SLC12A7: variants seen among roughly 807,000 people sequenced by gnomAD.
SLC12A7 encodes K-Cl cotransporter 4.
Under a neutral mutation model 120.6 loss-of-function variants are expected in SLC12A7, and 100 were observed. The ratio of observed to expected loss-of-function variants is 0.83; its 90% CI spans 0.71 to 0.98. The LOEUF (loss-of-function observed/expected upper bound fraction) is 0.98, where lower values mean the gene tolerates loss of function less well. SLC12A7 is among the 50% of genes least tolerant of loss of function. The pLI is 0.00. For synonymous variants in SLC12A7, 760 were observed against 678.0 expected, an observed-to-expected ratio of 1.12 and a Z score of -1.88; for missense variants, 1,373 against 1,548.1, an observed-to-expected ratio of 0.89 and a Z score of 1.90.
At chr5:1,091,847 C>A (rs1358841173) in intron 3 of SLC12A7, among the ~76,000 whole-genome samples, 1 of 152,224 alleles carries the variant, frequency 6.6e-6, no homozygotes, top group African/African-American at 2.4e-5. Flanking sequence ...GAGTGCTGAG[C>A]CTGGCAACAC....
At chr5:1,088,068 A>G (rs1184557467) in intron 5 of SLC12A7, among the ~76,000 whole-genome samples, 1 of 152,172 alleles carries the variant, frequency 6.6e-6, no homozygotes, top group African/African-American at 2.4e-5. Context: ...CCTGGTGGGC[A>G]CTGCCTACCC....
chr5:1,063,942 C>T lies in SLC12A7; in HGVS notation c.2641G>A (p.Val881Met), dbSNP rs920702280. ...ATGCTGTTGTCGTCCACCTGGGCCA[C>T]GGTGAAGATACGCATCCGGCACTTC... ...WRKCRMRIFT[V>M]AQVDDNSIQM... The change falls in exon 20 of 24, where the codon GTG becomes ATG. Residue 881 changes from valine (V) to methionine (M), a missense_variant. Transcript: ENST00000264930. 7 of 1,612,512 alleles carry T rather than the reference C, an allele frequency of 4.3e-6. No individual in the cohort carries two copies. The highest frequency in any genetic ancestry group is 1.1e-5 in the South Asian group (1 of 91,078).
At chr5:1,074,908 G>A (rs1369943838) in intron 15 of SLC12A7, among the ~76,000 whole-genome samples, 3 of 152,150 alleles carry the variant, frequency 2.0e-5, no homozygotes, top group South Asian at 2.1e-4. Context: ...TCCAGCATGC[G>A]TGAGGTGCCT....
chr5:1,145,059 C>A, the SLC12A7 span, among the ~76,000 whole-genome samples: 1 of 152,334 alleles, frequency 6.6e-6, no homozygotes, highest in South Asian at 2.1e-4. The surrounding 1 kb of genome is among the most constrained non-coding windows in gnomAD (Gnocchi z 4.4). Context: ...ACGGCCAGGC[C>A]GGGCCTGGAG....
In SLC12A7 at chr5:1,111,953, G is replaced by A; in HGVS notation, c.39C>T (p.His13=). 7.7e-7 allele frequency: 1 copy of A among 1,296,468 alleles called. No individual in the cohort carries two copies. The highest frequency in any genetic ancestry group is 3.1e-5 in the Admixed American group (1 of 32,004). 80.3% of individuals were successfully genotyped at this position (1,296,468 alleles called of 1,614,324 possible). Reference sequence around the variant, plus strand: ...CAGTCTCGTCCCCGCCGCCGTCGGCGTGAGCCTCCACGGGCACCACGGTGA... The same window carrying A: ...CAGTCTCGTCCCCGCCGCCGTCGGCATGAGCCTCCACGGGCACCACGGTGA... ...TNFTVVPVEA[H]ADGGGDETAE... is the part of the protein sequence containing the mutation. The change falls in exon 1 of 24, where the codon CAC becomes CAT. Residue 13 remains histidine, a synonymous_variant. Coordinates refer to ENST00000264930, the MANE Select transcript of SLC12A7 (RefSeq NM_006598.3).
At position 1,063,503 on chromosome 5, in the gene SLC12A7, A is replaced by G. The variant is rs188030866; in HGVS notation, c.2739+341T>C. 2.6e-3 allele frequency among the ~76,000 whole-genome samples: 389 copies of G among 152,226 alleles called. 2 individuals carry two copies. The highest frequency in any genetic ancestry group is 8.7e-3 in the African/African-American group (362 of 41,520). On this transcript the variant is annotated intron_variant, in intron 20 of 23. Transcript: ENST00000264930. ...CGTGTTACACGAGGTGTCCACAAGC[A>G]ACACACGGGGCTCTGTGCTTTCTGT...
the SLC12A7 span, among the ~76,000 whole-genome samples, chr5:1,128,749 G>A: frequency 2.0e-5 from 3 of 152,236 alleles, no homozygotes; most frequent in African/African-American, 7.2e-5. Context: ...GTGTGTGTGT[G>A]CATGCGTGCA....
chr5:1,096,792 GGAA>G, intron 1 of SLC12A7, among the ~76,000 whole-genome samples: 2 of 47,150 alleles, frequency 4.2e-5, no homozygotes, highest in African/African-American at 8.4e-5. Context: ...AGGGAGGGAA[GGAA>G]GGAGGGAGGG....
chr5:1,097,699 A>G lies in SLC12A7; in HGVS notation c.125-3451T>C, dbSNP rs573277729. Among the ~76,000 whole-genome samples, 11 of 152,292 alleles carry G rather than the reference A, an allele frequency of 7.2e-5. No homozygotes were observed. In the East Asian group the frequency reaches 2.1e-3, roughly 29 times the overall value. On this transcript the variant is annotated intron_variant, in intron 1 of 23. Transcript: ENST00000264930. ...GAGGACGCACAGAAAAGGGGGACGG[A>G]ATACAGAAAAGCAGGGTGTGGCTGG...
Position 1,078,000 on chromosome 5 carries a change from C to T in SLC12A7, c.1462G>A (p.Glu488Lys), listed in dbSNP as rs761405996. Reference protein sequence around the residue: ...EGVVLRDKFGEALQGNLVIGM... With the variant: ...EGVVLRDKFGKALQGNLVIGM... ...ATGACCAGGTTCCCCTGCAGGGCCT[C>T]CCCGAACCTGCAGGCAGGCGGGCAG... is the stretch of plus-strand genomic sequence containing the variant. Residue 488 changes from glutamate to lysine, a missense_variant, in exon 12 of 24, where the codon GAG becomes AAG. Transcript: ENST00000264930. The T allele has an allele frequency of 6.4e-7, 1 of 1,565,528 alleles. No individual in the cohort carries two copies. Among genetic ancestry groups the T allele is most frequent in the South Asian group, 1.2e-5 (1 of 85,220 alleles).
intron 8 of SLC12A7, among the ~76,000 whole-genome samples, chr5:1,082,569 A>G (rs566731614): frequency 7.4e-6 from 1 of 135,704 alleles, no homozygotes; most frequent in Non-Finnish European, 1.6e-5. Context: ...GGGTTCTGGA[A>G]AGTCCGGGCT....
At chr5:1,109,283 T>C (rs1742805389) in intron 1 of SLC12A7, among the ~76,000 whole-genome samples, 2 of 151,918 alleles carry the variant, frequency 1.3e-5, no homozygotes. Flanking sequence ...TACCCTGATG[T>C]GGTCACGGAG....
intron 8 of SLC12A7, 137 bp from the exon 9 acceptor site, chr5:1,081,881 C>T: frequency 2.0e-6 from 2 of 982,814 alleles, no homozygotes; most frequent in South Asian, 3.5e-5. Context: ...AAGCAGGCTC[C>T]AATTCAAACA....
chr5:1,114,434 C>G (rs923533983), upstream of SLC12A7, among the ~76,000 whole-genome samples: 3 of 152,168 alleles, frequency 2.0e-5, no homozygotes, highest in African/African-American at 7.2e-5. Context: ...GCAGGCCCCT[C>G]CCATCCCATC....
intron 3 of SLC12A7, among the ~76,000 whole-genome samples, chr5:1,090,588 G>A (rs1740384031): frequency 6.6e-6 from 1 of 152,210 alleles, no homozygotes; most frequent in Non-Finnish European, 1.5e-5. Flanking sequence ...AGAGGTGACA[G>A]CAAGGCTCCA....
chr5:1,064,034 A>C (rs200353015), intron 19 of SLC12A7, 49 bp downstream of exon 19: 6 of 1,602,160 alleles, frequency 3.7e-6, no homozygotes, highest in East Asian at 2.2e-5. Flanking sequence ...GGCCCGCAGC[A>C]CGTGGGGTGG....
intron 17 of SLC12A7, among the ~76,000 whole-genome samples, chr5:1,067,624 C>A (rs983216526): frequency 6.6e-6 from 1 of 152,266 alleles, no homozygotes; most frequent in African/African-American, 2.4e-5. Flanking sequence ...CGTCACGGGG[C>A]CACTTCCTAC....
intron 22 of SLC12A7, among the ~76,000 whole-genome samples, chr5:1,054,152 C>T (rs1156735738): frequency 4.6e-5 from 7 of 152,182 alleles, no homozygotes; most frequent in Admixed American, 3.9e-4. Context: ...TCCTACGGCC[C>T]ACCCTGCCCC....
Position 1,112,020 on chromosome 5 carries a change from C to G in SLC12A7, c.-29G>C, listed in dbSNP as rs751950715. On this transcript the variant is annotated 5_prime_UTR_variant, in exon 1 of 24. Transcript: ENST00000264930. ...CGCCTGCAGCCGACAGTCCCCGTCC[C>G]GGCCCGGCCCGCGCTGCGCCGCTCC... is the stretch of plus-strand genomic sequence containing the variant. 1 of 1,240,152 alleles carries G rather than the reference C, an allele frequency of 8.1e-7. No homozygotes were observed. The highest frequency in any genetic ancestry group is 1.0e-6 in the Non-Finnish European group (1 of 988,738). 76.8% of individuals were successfully genotyped at this position (1,240,152 alleles called of 1,614,324 possible). A position where few individuals can be genotyped will look rare whatever the true frequency, so the allele number is the denominator to read the frequency against.
Sources: allele counts gnomAD v4.1 joint callset (sites outside exome capture counted in the v4.1 genomes callset), GRCh38; gene constraint gnomAD v4.1.1; non-coding constraint Gnocchi (gnomAD v3.1); transcripts MANE v1.5; gene names NCBI Gene and HGNC (gene_info 2026-07-23, HGNC 2026-07-21).